The following TMEM245 variants were observed in gnomAD, a reference collection of about 807,000 sequenced individuals.
The protein encoded by TMEM245 is protein CG-2.
Under a neutral mutation model 101.2 loss-of-function variants are expected in TMEM245, and 69 were observed. The observed-to-expected ratio is 0.68, with a 90% CI of 0.56 to 0.83. TMEM245 has a LOEUF of 0.83. Among genes scored for constraint, TMEM245 ranks in the 40% least tolerant of loss-of-function variants. TMEM245 has a pLI of 0.00. For synonymous variants in TMEM245, 537 were observed against 449.8 expected, an observed-to-expected ratio of 1.19 and a Z score of -2.45; for missense variants, 1,075 against 1,092.8, an observed-to-expected ratio of 0.98 and a Z score of 0.23.
intron 17 of TMEM245, among the ~76,000 whole-genome samples, chr9:109,031,916 A>G (rs549709342): frequency 1.3e-5 from 2 of 152,370 alleles, no homozygotes; most frequent in Non-Finnish European, 2.9e-5. Context: ...TTGCAACTCT[A>G]TATTGGTGTC....
chr9:109,053,318 T>G (rs1306933916), intron 12 of TMEM245, among the ~76,000 whole-genome samples: 1 of 151,972 alleles, frequency 6.6e-6, no homozygotes, highest in Non-Finnish European at 1.5e-5. Context: ...TTCCAACTAC[T>G]CAGGAGGCTG....
rs1416140758 is a variant in TMEM245 at position 109,036,352 on chromosome 9, T to C, written c.2253A>G (p.Pro751=). The change falls in exon 16 of 18, where the codon CCA becomes CCG. Residue 751 remains proline (P), a synonymous_variant. Transcript: ENST00000374586. The part of the protein sequence containing the change: ...SALAAILGAV[P]FLGTYWAAVP... The stretch of plus-strand genomic sequence containing the variant: ...CTGCTGCCCAGTATGTCCCCAGGAA[T>C]GGCACTGCTCCAAGGATTGCTGCTA... The C allele has an allele frequency of 2.5e-6, 4 of 1,610,508 alleles. No homozygotes were observed. The highest frequency in any genetic ancestry group is 3.4e-6 in the Non-Finnish European group (4 of 1,179,174).
At chr9:109,104,047 T>C (rs1830344942) in intron 3 of TMEM245, among the ~76,000 whole-genome samples, 1 of 151,860 alleles carries the variant, frequency 6.6e-6, no homozygotes, top group South Asian at 2.1e-4. Context: ...ATCATGCCAC[T>C]GCACTCCAGC....
chr9:109,057,437 A>G (rs945553842), intron 11 of TMEM245, 115 bp from the exon 12 acceptor site: 5 of 1,219,874 alleles, frequency 4.1e-6, no homozygotes, highest in Non-Finnish European at 5.6e-6. Context: ...TACTCCAAGG[A>G]AAAGAACTTT....
At chr9:109,071,651 T>C (rs1314044257) in intron 9 of TMEM245, among the ~76,000 whole-genome samples, 1 of 151,772 alleles carries the variant, frequency 6.6e-6, no homozygotes, top group African/African-American at 2.4e-5. Flanking sequence ...AGTAATGTCC[T>C]AGGCAGGTTT....
rs1275657810 is a variant in TMEM245, at chr9:109,018,729, C to A, written c.*1731G>T. On this transcript the variant is annotated 3_prime_UTR_variant, in exon 18 of 18. Transcript: ENST00000374586. The stretch of plus-strand genomic sequence containing the variant: ...GGAAATCTTCAACGCTTAAGAACTA[C>A]CCCCCAACACTTTTTTTTTTCCTTG... The A allele has an allele frequency of 6.6e-6, 1 of 150,864 alleles. No homozygotes were observed. The highest frequency in any genetic ancestry group is 1.5e-5 in the Non-Finnish European group (1 of 67,794). 9.3% of individuals were successfully genotyped at this position (150,864 alleles called of 1,614,324 possible).
intron 9 of TMEM245, among the ~76,000 whole-genome samples, chr9:109,070,085 A>G (rs1054422267): frequency 2.0e-5 from 3 of 152,140 alleles, no homozygotes; most frequent in African/African-American, 7.2e-5. Flanking sequence ...TCACCCTTAA[A>G]GGCTTAAGAT....
At chr9:109,042,065 C>CT (rs529802434) in intron 14 of TMEM245, among the ~76,000 whole-genome samples, 25 of 152,184 alleles carry the variant, frequency 1.6e-4, no homozygotes, top group African/African-American at 5.8e-4. Context: ...CTAGCAATCT[C>CT]TGAATTTTAG....
chr9:109,073,533 G>A, intron 8 of TMEM245, 95 bp from the exon 9 acceptor site: 1 of 918,918 alleles, frequency 1.1e-6, no homozygotes, highest in South Asian at 1.6e-5. Flanking sequence ...AATGCTTTGA[G>A]AGCCAAATAA....
chr9:109,065,157 T>G (rs982186891), intron 9 of TMEM245, among the ~76,000 whole-genome samples: 1 of 152,228 alleles, frequency 6.6e-6, no homozygotes, highest in Non-Finnish European at 1.5e-5. Context: ...CTGGTTTCTC[T>G]GTTCACATGT....
intron 16 of TMEM245, 59 bp from the exon 17 acceptor site, chr9:109,033,560 TC>T (rs1324021880): frequency 1.1e-5 from 17 of 1,485,728 alleles, no homozygotes; most frequent in Admixed American, 2.3e-5. Flanking sequence ...GAAATACATT[TC>T]TAATACAATG....
intron 12 of TMEM245, among the ~76,000 whole-genome samples, chr9:109,053,717 G>A (rs915247631): frequency 1.3e-5 from 2 of 152,158 alleles, no homozygotes; most frequent in Non-Finnish European, 2.9e-5. Context: ...TATTAACTTC[G>A]TTTCCCAGTA....
At chr9:109,052,118 C>G (rs773675865) in intron 12 of TMEM245, among the ~76,000 whole-genome samples, 1 of 150,612 alleles carries the variant, frequency 6.6e-6, no homozygotes, top group South Asian at 2.1e-4. Flanking sequence ...ATTTCATTTA[C>G]TATCTCAAAT....
rs1328658806 is a variant in TMEM245, at chr9:109,015,838, A to G, written c.*4622T>C. 1.3e-5 allele frequency: 2 copies of G among 152,504 alleles called. No homozygotes were observed. The highest frequency in any genetic ancestry group is 1.9e-4 in the East Asian group (1 of 5,192). 9.4% of individuals were successfully genotyped at this position (152,504 alleles called of 1,614,324 possible). Reference sequence around the variant, plus strand: ...CATACAAAAGCATTATTAAAATGTAATATCAATATATCACCACTGTATTTG... The same window carrying G: ...CATACAAAAGCATTATTAAAATGTAGTATCAATATATCACCACTGTATTTG... On this transcript the variant is annotated 3_prime_UTR_variant, in exon 18 of 18. Coordinates refer to ENST00000374586, the MANE Select transcript of TMEM245 (RefSeq NM_032012.4).
At chr9:109,067,342 G>A (rs1829201512) in intron 9 of TMEM245, among the ~76,000 whole-genome samples, 2 of 152,068 alleles carry the variant, frequency 1.3e-5, no homozygotes, top group African/African-American at 4.8e-5. Context: ...TACAGCCCCT[G>A]AACTGAGCTC....
At chr9:109,033,126 A>G (rs1439822692) in intron 17 of TMEM245, among the ~76,000 whole-genome samples, 181 bp downstream of exon 17, 1 of 152,174 alleles carries the variant, frequency 6.6e-6, no homozygotes, top group Admixed American at 6.5e-5. Context: ...TTTTCTTGGT[A>G]TATGAAACCC....
At position 109,020,520 on chromosome 9, in the gene TMEM245, G is replaced by GA; in HGVS notation, c.2595-16dup. 1 of 1,611,930 alleles carries GA rather than the reference G, an allele frequency of 6.2e-7. No homozygotes were observed. On this transcript the variant is annotated splice_polypyrimidine_tract_variant and intron_variant, in intron 17 of 17. Transcript: ENST00000374586. The stretch of plus-strand genomic sequence containing the variant: ...CACGGAAAGTCCTAAAAGAAAAAAA[G>GA]ACGGAATGATTAGTTGATTACCATA...
chr9:109,104,080 A>T (rs1830345969), intron 3 of TMEM245, among the ~76,000 whole-genome samples: 1 of 152,124 alleles, frequency 6.6e-6, no homozygotes, highest in African/African-American at 2.4e-5. Context: ...ACGAGACTCC[A>T]TCTCAAAAAC....
chr9:109,052,814 A>G (rs1232038392), intron 12 of TMEM245, among the ~76,000 whole-genome samples: 1 of 152,206 alleles, frequency 6.6e-6, no homozygotes, highest in Non-Finnish European at 1.5e-5. Context: ...TTATTAAAAA[A>G]AAAAATTTAA....
Sources: allele counts gnomAD v4.1 joint callset (sites outside exome capture counted in the v4.1 genomes callset), GRCh38; gene constraint gnomAD v4.1.1; transcripts MANE v1.5; gene names NCBI Gene and HGNC (gene_info 2026-07-23, HGNC 2026-07-21).